Variants in WDR72 observed in about 807,000 individuals in gnomAD.
WDR72 encodes WD repeat-containing protein 72.
A neutral mutation model predicts 124.2 loss-of-function variants in WDR72; 120 were observed. The observed-to-expected ratio is 0.97, with a 90% confidence interval of 0.83 to 1.12. WDR72 has a LOEUF of 1.12. WDR72 is among the 50% of genes most tolerant of loss of function. WDR72 has a pLI of 0.00. For synonymous variants in WDR72, 452 were observed against 441.7 expected (o/e 1.02, Z -0.29); for missense variants, 1,387 against 1,278.8 (o/e 1.08, Z -1.29).
intron 1 of WDR72, among the ~76,000 whole-genome samples, chr15:53,750,807 G>A (rs1377919828): frequency 6.6e-6 from 1 of 152,118 alleles, no homozygotes; most frequent in East Asian, 1.9e-4. Flanking sequence ...CAGACGTGGT[G>A]GAAATAGCAA....
intron 18 of WDR72, among the ~76,000 whole-genome samples, chr15:53,541,397 A>T (rs944800143): frequency 3.4e-4 from 52 of 151,534 alleles, no homozygotes; most frequent in African/African-American, 1.2e-3. Flanking sequence ...ATACCTCACA[A>T]GGCAAGGTAT....
At chr15:53,560,789 A>G (rs1894098593) in intron 18 of WDR72, among the ~76,000 whole-genome samples, 1 of 151,828 alleles carries the variant, frequency 6.6e-6, no homozygotes, top group Admixed American at 6.6e-5. Flanking sequence ...GTCAACTAAA[A>G]TTATTAACCT....
chr15:53,692,772 G>A (rs979109481), intron 13 of WDR72, among the ~76,000 whole-genome samples: 5 of 152,068 alleles, frequency 3.3e-5, no homozygotes, highest in African/African-American at 1.2e-4. Context: ...GGGCAAAGGA[G>A]ACAGAAACAA....
intron 18 of WDR72, among the ~76,000 whole-genome samples, chr15:53,546,306 C>A (rs1282276808): frequency 1.3e-5 from 2 of 152,064 alleles, no homozygotes; most frequent in African/African-American, 4.8e-5. Flanking sequence ...AAATGTGGCA[C>A]ATATACACCA....
In WDR72 at chr15:53,716,653, T is replaced by G; in HGVS notation, c.293A>C (p.Gln98Pro). The stretch of plus-strand genomic sequence containing the variant: ...AGGAAGTGTAGCCTTCTCCATGCAC[T>G]GTCCATTGGTGACATTCCAAACACA... ...EMCVWNVTNG[Q>P]CMEKATLPYR... The change falls in exon 4 of 20, where the codon CAG becomes CCG. Residue 98 changes from glutamine (Q) to proline (P), a missense_variant. Transcript: ENST00000360509. 6.2e-7 allele frequency: 1 copy of G among 1,608,898 alleles called. No homozygotes were observed. The highest frequency in any genetic ancestry group is 8.5e-7 in the Non-Finnish European group (1 of 1,175,406).
intron 13 of WDR72, among the ~76,000 whole-genome samples, chr15:53,691,866 T>C (rs1008510628): frequency 6.6e-6 from 1 of 152,204 alleles, no homozygotes; most frequent in African/African-American, 2.4e-5. Flanking sequence ...GCAATAGAAT[T>C]AGTTTGACAG....
rs758502012 is a variant in WDR72 at position 53,705,045 on chromosome 15, T to C, written c.1291A>G (p.Thr431Ala). The C allele has an allele frequency of 1.2e-6, 2 of 1,614,048 alleles. No individual in the cohort carries two copies. Among genetic ancestry groups the C allele is most frequent in the Admixed American group, 3.3e-5 (2 of 60,002 alleles). ...GCTTTGGCAGCATTCAAAGCCTGGG[T>C]AATGATAATTGTCCCATCTTCACAG... ...CGCEDGTIII[T>A]QALNAAKARL... Residue 431 changes from threonine (T) to alanine (A), a missense_variant, in exon 11 of 20, where the codon ACC becomes GCC. By Grantham distance (58) the Thr-to-Ala change is moderately conservative (BLOSUM62 0). Coordinates refer to ENST00000360509, the MANE Select transcript of WDR72 (RefSeq NM_182758.4).
At chr15:53,719,100 A>T (rs186682550) in intron 3 of WDR72, among the ~76,000 whole-genome samples, 2 of 152,092 alleles carry the variant, frequency 1.3e-5, no homozygotes, top group East Asian at 3.9e-4. Context: ...TTTTCTCTTG[A>T]CCTCATTCTT....
At chr15:53,633,686 GTCTA>G (rs1189066663) in intron 14 of WDR72, among the ~76,000 whole-genome samples, 12 of 152,118 alleles carry the variant, frequency 7.9e-5, no homozygotes, top group Non-Finnish European at 1.3e-4. Context: ...TTTAGCACAA[GTCTA>G]TCTATCAGAA....
chr15:53,681,330 G>A (rs756160693), intron 13 of WDR72, among the ~76,000 whole-genome samples: 2 of 152,186 alleles, frequency 1.3e-5, no homozygotes, highest in Non-Finnish European at 2.9e-5. Context: ...AAACGTTACA[G>A]CTGTGAAACC....
intron 18 of WDR72, among the ~76,000 whole-genome samples, chr15:53,544,945 C>A (rs1032405032): frequency 1.4e-4 from 20 of 146,474 alleles, no homozygotes; most frequent in African/African-American, 4.6e-4. Flanking sequence ...CCTAGGAATC[C>A]AACTTACAAG....
Position 53,723,696 on chromosome 15 carries a change from T to A in WDR72, c.154-788A>T, listed in dbSNP as rs930183744. On this transcript the variant is annotated intron_variant, in intron 2 of 19. Transcript: ENST00000360509. ...TGCCAGGATGCTCAAGTCTGCAATATAAAAGTATTGGCATATAGCCTATGA... is the reference window on the plus strand; with the variant it reads ...TGCCAGGATGCTCAAGTCTGCAATAAAAAAGTATTGGCATATAGCCTATGA... Among the ~76,000 whole-genome samples, 4 of 152,230 alleles carry A rather than the reference T, an allele frequency of 2.6e-5. No homozygotes were observed. The East Asian group carries it at 5.8e-4, about 22-fold the overall frequency.
In WDR72 at chr15:53,704,987, C is replaced by A. The variant is rs1431736022; in HGVS notation, c.1348+1G>T. 1.2e-6 allele frequency: 2 copies of A among 1,613,692 alleles called. No homozygotes were observed. Among genetic ancestry groups the A allele is most frequent in the Non-Finnish European group, 1.7e-6 (2 of 1,179,936 alleles). The stretch of plus-strand genomic sequence containing the variant: ...AATAGGGTCAAATAAAATTCAAGGA[C>A]CTTTTACTAAAGAACCACCTTCCAG... On this transcript the variant is annotated splice_donor_variant, in intron 11 of 19. Transcript: ENST00000360509. LOFTEE classifies it high-confidence loss of function.
intron 1 of WDR72, among the ~76,000 whole-genome samples, chr15:53,752,492 C>A (rs2018798991): frequency 6.6e-6 from 1 of 152,096 alleles, no homozygotes. Flanking sequence ...TTCTGCAGGC[C>A]AAGGAACACC....
intron 18 of WDR72, among the ~76,000 whole-genome samples, chr15:53,588,831 C>T (rs998827921): frequency 2.0e-5 from 3 of 151,816 alleles, no homozygotes; most frequent in Non-Finnish European, 4.4e-5. Flanking sequence ...ACACAAATTC[C>T]CAGGCTCAGA....
intron 1 of WDR72, among the ~76,000 whole-genome samples, chr15:53,744,656 CT>C (rs1179102789): frequency 6.6e-6 from 1 of 152,168 alleles, no homozygotes; most frequent in East Asian, 1.9e-4. Context: ...GTGGGTATGT[CT>C]TTTCATTGTT....
intron 3 of WDR72, among the ~76,000 whole-genome samples, chr15:53,719,947 G>A (rs2017826196): frequency 6.6e-6 from 1 of 151,920 alleles, no homozygotes; most frequent in Non-Finnish European, 1.5e-5. Context: ...TGGGGCCAAG[G>A]CTTTTTGCCT....
At chr15:53,549,825 G>A (rs193056837) in intron 18 of WDR72, among the ~76,000 whole-genome samples, 133 of 152,222 alleles carry the variant, frequency 8.7e-4, no homozygotes, top group African/African-American at 3.2e-3. Context: ...CCCAGACTTT[G>A]GCCTTATTTT....
intron 17 of WDR72, among the ~76,000 whole-genome samples, chr15:53,605,434 C>T (rs534217753): frequency 1.3e-5 from 2 of 152,246 alleles, no homozygotes; most frequent in South Asian, 2.1e-4. Flanking sequence ...TACTGCAAAC[C>T]CCCATACACA....
Sources: gnomAD v4.1 joint callset for allele counts (sites outside exome capture counted in the v4.1 genomes callset) on GRCh38, gnomAD v4.1.1 for gene constraint, MANE v1.5 for transcripts, NCBI Gene and HGNC (gene_info 2026-07-23, HGNC 2026-07-21) for gene names.